GHR: variants seen among roughly 807,000 people sequenced by gnomAD.
GHR encodes the protein growth hormone receptor.
A neutral mutation model predicts 67.1 loss-of-function variants in GHR; 35 were observed. The observed-to-expected ratio is 0.52, with a 90% CI of 0.40 to 0.69. The LOEUF (loss-of-function observed/expected upper bound fraction) is 0.69. Ranked by LOEUF, GHR falls within the 30% of genes least tolerant of loss-of-function variation. The probability of loss-of-function intolerance (pLI) is 0.00; values close to 1 mark genes in which losing one functional copy is unlikely to be tolerated. For missense variants in GHR, 792 were observed against 764.6 expected, an observed-to-expected ratio of 1.04 and a Z score of -0.42; for synonymous variants, 272 against 269.1, an observed-to-expected ratio of 1.01 and a Z score of -0.10.
intron 1 of GHR, among the ~76,000 whole-genome samples, chr5:42,462,761 A>G (rs1219155586): frequency 2.0e-5 from 3 of 152,022 alleles, no homozygotes; most frequent in African/African-American, 4.8e-5. Context: ...CAAAAATTAT[A>G]ATACAAGGTT....
At chr5:42,704,073 C>G (rs917868091) in intron 6 of GHR, among the ~76,000 whole-genome samples, 23 of 151,734 alleles carry the variant, frequency 1.5e-4, no homozygotes, top group East Asian at 1.9e-4. Flanking sequence ...GATTTTGAAT[C>G]GAGTAGAATA....
chr5:42,592,778 A>ACCC lies in GHR; in HGVS notation c.70+26834_70+26835insCCC, dbSNP rs1271793837. Among the ~76,000 whole-genome samples, 3 of 152,270 alleles carry ACCC rather than the reference A, an allele frequency of 2.0e-5. No individual in the cohort carries two copies. In the East Asian group the frequency reaches 5.8e-4, roughly 29 times the overall value. On this transcript the variant is annotated intron_variant, in intron 2 of 9. Coordinates refer to ENST00000230882, the MANE Select transcript of GHR (RefSeq NM_000163.5). ...GTTTATATTCCTTGGATTGTTGGGT[A>ACCC]AAATAGCAGTTCTATTTTAAGTTAT...
At chr5:42,664,603 G>T (rs371550445) in intron 3 of GHR, among the ~76,000 whole-genome samples, 1 of 152,060 alleles carries the variant, frequency 6.6e-6, no homozygotes, top group African/African-American at 2.4e-5. Flanking sequence ...TCAAGATGGA[G>T]TAAAGACTTA....
chr5:42,674,188 A>T lies in GHR; in HGVS notation c.137-14702A>T, dbSNP rs565327782. 5.3e-5 allele frequency among the ~76,000 whole-genome samples: 8 copies of T among 152,272 alleles called. No individual in the cohort carries two copies. In the East Asian group the frequency reaches 1.5e-3, roughly 29 times the overall value. On this transcript the variant is annotated intron_variant, in intron 3 of 9. Coordinates refer to ENST00000230882, the MANE Select transcript of GHR (RefSeq NM_000163.5). ...GTGTCTTTTTTACAGTGAGTTACAA[A>T]TTCCTGTTTTTGTGACAGTGACAGG... is the stretch of plus-strand genomic sequence containing the variant.
intron 8 of GHR, among the ~76,000 whole-genome samples, chr5:42,716,814 C>G (rs1758747157): frequency 6.6e-6 from 1 of 152,114 alleles, no homozygotes; most frequent in South Asian, 2.1e-4. Flanking sequence ...AGTGGAAATA[C>G]TGAGAAAATG....
In GHR at chr5:42,721,539, G is replaced by C. The variant is rs894245349; in HGVS notation, c.*2115G>C. ...TTTGCTGCTATGGTTTTCTCCAAGA[G>C]CTACATAATTTAGTTTCATATAAAG... is the stretch of plus-strand genomic sequence containing the variant. On this transcript the variant is annotated 3_prime_UTR_variant, in exon 10 of 10. Coordinates refer to ENST00000230882, the MANE Select transcript of GHR (RefSeq NM_000163.5). The C allele has an allele frequency of 2.0e-5, 3 of 152,578 alleles. No homozygotes were observed. The highest frequency in any genetic ancestry group is 7.2e-5 in the African/African-American group (3 of 41,438). 9.5% of individuals were successfully genotyped at this position (152,578 alleles called of 1,614,324 possible). A position where few individuals can be genotyped will look rare whatever the true frequency, so the allele number is the denominator to read the frequency against.
chr5:42,517,442 T>A (rs1027130671), intron 1 of GHR, among the ~76,000 whole-genome samples: 2 of 152,180 alleles, frequency 1.3e-5, no homozygotes, highest in Admixed American at 1.3e-4. Context: ...CGGTAAATAC[T>A]GAAGGAATGA....
intron 7 of GHR, among the ~76,000 whole-genome samples, 196 bp from the exon 8 acceptor site, chr5:42,713,233 T>C (rs1274275970): frequency 6.6e-6 from 1 of 152,108 alleles, no homozygotes; most frequent in Non-Finnish European, 1.5e-5. Flanking sequence ...TGAGGAGATT[T>C]GAAAAGTGGA....
intron 1 of GHR, among the ~76,000 whole-genome samples, chr5:42,531,009 C>T (rs1278039383): frequency 2.0e-5 from 3 of 152,206 alleles, no homozygotes; most frequent in Non-Finnish European, 4.4e-5. Context: ...TGGCTCACGC[C>T]TGTAATCCCA....
chr5:42,686,266 A>G (rs189372620), intron 3 of GHR, among the ~76,000 whole-genome samples: 4 of 152,206 alleles, frequency 2.6e-5, no homozygotes, highest in Non-Finnish European at 4.4e-5. Context: ...GTGTGGTGTT[A>G]TTTCTGAGGC....
At chr5:42,626,765 T>G (rs895428299) in intron 2 of GHR, among the ~76,000 whole-genome samples, 3 of 152,168 alleles carry the variant, frequency 2.0e-5, no homozygotes, top group Non-Finnish European at 2.9e-5. Context: ...GGAGACAAGG[T>G]CAAATATGTA....
intron 3 of GHR, among the ~76,000 whole-genome samples, chr5:42,670,880 A>AAGT (rs1554034852): frequency 8.5e-6 from 1 of 118,212 alleles, no homozygotes; most frequent in African/African-American, 3.3e-5. Flanking sequence ...AAAAAAAAAA[A>AAGT]ATATATATAT....
chr5:42,525,503 G>GTCTAAGGTAAGA (rs1427727158), intron 1 of GHR, among the ~76,000 whole-genome samples: 1 of 152,184 alleles, frequency 6.6e-6, no homozygotes, highest in Non-Finnish European at 1.5e-5. Context: ...GAAAAGATTT[G>GTCTAAGGTAAGA]CCTTGTCTAA....
chr5:42,450,148 C>T (rs899978592), intron 1 of GHR, among the ~76,000 whole-genome samples: 1 of 152,132 alleles, frequency 6.6e-6, no homozygotes, highest in Non-Finnish European at 1.5e-5. Context: ...TAGGGTGATA[C>T]TGGCTTCATA....
At chr5:42,640,979 C>G (rs892825823) in intron 3 of GHR, among the ~76,000 whole-genome samples, 1 of 152,172 alleles carries the variant, frequency 6.6e-6, no homozygotes, top group Non-Finnish European at 1.5e-5. Flanking sequence ...GTGCCAGTCC[C>G]ATGGCACCAA....
At position 42,448,592 on chromosome 5, in the gene GHR, T is replaced by TATTATC. The variant is rs1162857096; in HGVS notation, c.-12+24642_-12+24643insCATTAT. ...TGTTTACTATTATTATTATTATTAT[T>TATTATC]ATTATTATTATTATTATTATTGCTG... On this transcript the variant is annotated intron_variant, in intron 1 of 9. Coordinates refer to ENST00000230882, the MANE Select transcript of GHR (RefSeq NM_000163.5). Among the ~76,000 whole-genome samples the TATTATC allele has an allele frequency of 1.3e-4, 19 of 149,062 alleles. No individual in the cohort carries two copies. The South Asian group carries it at 3.8e-3, about 30-fold the overall frequency.
At chr5:42,681,630 A>G (rs1327285309) in intron 3 of GHR, among the ~76,000 whole-genome samples, 1 of 152,160 alleles carries the variant, frequency 6.6e-6, no homozygotes, top group African/African-American at 2.4e-5. Context: ...AGGATTATAA[A>G]TCATGCTACT....
intron 1 of GHR, among the ~76,000 whole-genome samples, chr5:42,559,393 A>G (rs1749480150): frequency 6.6e-6 from 1 of 152,164 alleles, no homozygotes; most frequent in East Asian, 1.9e-4. Flanking sequence ...ACAAATAAAT[A>G]AAAATAGCTA....
chr5:42,712,042 CTG>C (rs1266903857), intron 7 of GHR, among the ~76,000 whole-genome samples: 3 of 152,006 alleles, frequency 2.0e-5, no homozygotes, highest in Non-Finnish European at 4.4e-5. Context: ...ATAAAGAAAA[CTG>C]ATTAATGATG....
Sources: allele counts gnomAD v4.1 joint callset (sites outside exome capture counted in the v4.1 genomes callset), GRCh38; gene constraint gnomAD v4.1.1; transcripts MANE v1.5; gene names NCBI Gene and HGNC (gene_info 2026-07-23, HGNC 2026-07-21).